Variants in TLE5 observed in about 807,000 individuals in gnomAD.
TLE5 encodes TLE family member 5, transcriptional modulator.
Under a neutral mutation model 25.8 loss-of-function variants are expected in TLE5, and 7 were observed. The ratio of observed to expected loss-of-function variants is 0.27; its 90% confidence interval spans 0.15 to 0.51. The LOEUF (loss-of-function observed/expected upper bound fraction) is 0.51. Ranked by LOEUF, TLE5 falls within the 20% of genes least tolerant of loss-of-function variation. TLE5 has a pLI of 0.97. For missense variants in TLE5, 149 were observed against 250.7 expected, an observed-to-expected ratio of 0.59 and a Z score of 2.74; for synonymous variants, 132 against 110.5, an observed-to-expected ratio of 1.20 and a Z score of -1.22.
intron 1 of TLE5, 80 bp from the exon 2 acceptor site, chr19:3,061,337 C>T: frequency 1.8e-6 from 2 of 1,125,004 alleles, no homozygotes; most frequent in South Asian, 2.5e-5. Flanking sequence ...GGAGCGGCCG[C>T]GCAGCTGCGG....
Position 3,053,536 on chromosome 19 carries a change from G to C in TLE5, c.*283C>G. On this transcript the variant is annotated 3_prime_UTR_variant, in exon 7 of 7. Coordinates refer to ENST00000327141, the MANE Select transcript of TLE5 (RefSeq NM_001130.6). ...GCGAGGTCTTGCTCCCTTGGGACCT[G>C]GTCTCCCATCTGACCCTCCAGGCCT... is the stretch of plus-strand genomic sequence containing the variant. 1.9e-6 allele frequency: 1 copy of C among 521,710 alleles called. No individual in the cohort carries two copies. The highest frequency in any genetic ancestry group is 3.4e-6 in the Non-Finnish European group (1 of 291,504). The allele number at this position is 521,710 out of a possible 1,614,324, so 32.3% of individuals were successfully genotyped here. A position where few individuals can be genotyped will look rare whatever the true frequency, so the allele number is the denominator to read the frequency against.
At chr19:3,057,586 CG>C in intron 3 of TLE5, 92 bp downstream of exon 3, 2 of 1,272,046 alleles carry the variant, frequency 1.6e-6, no homozygotes, top group South Asian at 2.4e-5. Flanking sequence ...GGGAGGTGGC[CG>C]GGGTTGAGGG....
chr19:3,054,086 T>TCGGGGGGGGCCCCCCCCCCCCCC, intron 6 of TLE5, 34 bp downstream of exon 6: 1 of 1,512,812 alleles, frequency 6.6e-7, no homozygotes, highest in Non-Finnish European at 8.9e-7. Flanking sequence ...GGCCCACCTG[T>TCGGGGGGGGCCCCCCCCCCCCCC]CCCCCGCCCA....
intron 1 of TLE5, among the ~76,000 whole-genome samples, chr19:3,061,811 G>A (rs968871636): frequency 9.9e-5 from 15 of 150,852 alleles, no homozygotes; most frequent in Non-Finnish European, 1.5e-4. Flanking sequence ...CCGGGCTAGA[G>A]GTGCCTCGCG....
In TLE5 at chr19:3,062,379, G is replaced by GGCGCGCCCCGGGCCCCGCTTCCT. The variant is rs2090279373; in HGVS notation, c.-202_-180dup. ...GCCCCCTCCCCGCGCGCCCGGCCCC[G>GGCGCGCCCCGGGCCCCGCTTCCT]GCGCGCCCCGGGCCCCGCTTCCTGC... On this transcript the variant is annotated 5_prime_UTR_variant, in exon 1 of 7. Coordinates refer to ENST00000327141, the MANE Select transcript of TLE5 (RefSeq NM_001130.6). 1.6e-6 allele frequency: 1 copy of GGCGCGCCCCGGGCCCCGCTTCCT among 607,528 alleles called. No individual in the cohort carries two copies. Among genetic ancestry groups the GGCGCGCCCCGGGCCCCGCTTCCT allele is most frequent in the African/African-American group, 2.2e-5 (1 of 44,712 alleles). The allele number at this position is 607,528 out of a possible 1,614,324, so 37.6% of individuals were successfully genotyped here. A position where few individuals can be genotyped will look rare whatever the true frequency, so the allele number is the denominator to read the frequency against.
At chr19:3,058,938 C>G (rs2090242279) in intron 2 of TLE5, among the ~76,000 whole-genome samples, 1 of 152,222 alleles carries the variant, frequency 6.6e-6, no homozygotes, top group Non-Finnish European at 1.5e-5. Context: ...GCAAACTCCA[C>G]TACCTCTCTG....
At position 3,053,433 on chromosome 19, in the gene TLE5, G is replaced by A; in HGVS notation, c.*386C>T. 1 of 256,430 alleles carries A rather than the reference G, an allele frequency of 3.9e-6. No homozygotes were observed. The highest frequency in any genetic ancestry group is 7.6e-6 in the Non-Finnish European group (1 of 132,174). The allele number at this position is 256,430 out of a possible 1,614,324, so 15.9% of individuals were successfully genotyped here. On this transcript the variant is annotated 3_prime_UTR_variant, in exon 7 of 7. Transcript: ENST00000327141. ...TAGCATTGCGTGCATGCAGTACCAGGGTGAGAGGGCTGTGGCCCAGGCAGA... is the reference window on the plus strand; with the variant it reads ...TAGCATTGCGTGCATGCAGTACCAGAGTGAGAGGGCTGTGGCCCAGGCAGA...
At chr19:3,062,630 C>G (rs1253200680), upstream of TLE5, 1 of 1,174,494 alleles carries the variant, frequency 8.5e-7, no homozygotes, top group African/African-American at 1.6e-5. Context: ...CCCCGTGGCC[C>G]GCCCGCCGCG....
At position 3,061,140 on chromosome 19, in the gene TLE5, C is replaced by T. The variant is rs751340661; in HGVS notation, c.125+20G>A. On this transcript the variant is annotated intron_variant, in intron 2 of 6. Coordinates refer to ENST00000327141, the MANE Select transcript of TLE5 (RefSeq NM_001130.6). ...GACTCACATTCTCGGGACGCAGGGA[C>T]CCCCAGTCCCCCAGCTCACCTGTGG... The T allele has an allele frequency of 3.2e-6, 5 of 1,587,010 alleles. No homozygotes were observed. In the South Asian group the frequency reaches 4.4e-5, roughly 14 times the overall value.
chr19:3,054,086 T>TCCGGGGGGGGGCC, intron 6 of TLE5, 34 bp downstream of exon 6: 1 of 1,512,810 alleles, frequency 6.6e-7, no homozygotes, highest in Non-Finnish European at 8.9e-7. Flanking sequence ...GGCCCACCTG[T>TCCGGGGGGGGGCC]CCCCCGCCCA....
chr19:3,061,261 T>G lies in TLE5; in HGVS notation c.28-4A>C, dbSNP rs756158743. On this transcript the variant is annotated splice_polypyrimidine_tract_variant and splice_region_variant and intron_variant, in intron 1 of 6. Coordinates refer to ENST00000327141, the MANE Select transcript of TLE5 (RefSeq NM_001130.6). Reference sequence around the variant, plus strand: ...GCTGGGGTAGGTGCGAGGAGCCCTGTAGGGATGGGGCGGCCCGGGTCAGGC... The same window carrying G: ...GCTGGGGTAGGTGCGAGGAGCCCTGGAGGGATGGGGCGGCCCGGGTCAGGC... 1 of 1,611,200 alleles carries G rather than the reference T, an allele frequency of 6.2e-7. No individual in the cohort carries two copies. The highest frequency in any genetic ancestry group is 8.5e-7 in the Non-Finnish European group (1 of 1,178,000).
At chr19:3,058,831 C>A (rs548458062) in intron 2 of TLE5, among the ~76,000 whole-genome samples, 1 of 152,142 alleles carries the variant, frequency 6.6e-6, no homozygotes, top group African/African-American at 2.4e-5. Context: ...AGGGGCCCTG[C>A]GGACCTGGCT....
chr19:3,056,682 T>A, intron 3 of TLE5: 1 of 527,484 alleles, frequency 1.9e-6, no homozygotes, highest in Non-Finnish European at 3.6e-6. Flanking sequence ...GGGCTCCTAA[T>A]CTTGTATCTT....
chr19:3,056,272 A>AAGG (rs756419198), intron 4 of TLE5, 40 bp downstream of exon 4: 574 of 1,205,400 alleles, frequency 4.8e-4, no homozygotes, highest in Middle Eastern at 8.9e-4. Context: ...GAGGAGGGGG[A>AAGG]AGGAGGAGGA....
intron 4 of TLE5, chr19:3,056,055 G>T: frequency 1.9e-6 from 1 of 527,032 alleles, no homozygotes; most frequent in Non-Finnish European, 3.3e-6. Context: ...GCTGGGGGCC[G>T]TAGGCTGTGG....
At chr19:3,057,614 G>T in intron 3 of TLE5, 65 bp downstream of exon 3, 1 of 1,494,868 alleles carries the variant, frequency 6.7e-7, no homozygotes, top group Non-Finnish European at 9.3e-7. Context: ...TGCCCGTGGT[G>T]GAGGGGATGT....
intron 1 of TLE5, chr19:3,061,523 A>C: frequency 3.7e-6 from 1 of 273,670 alleles, no homozygotes; most frequent in Non-Finnish European, 6.9e-6. Context: ...CCCGCCCTAG[A>C]TGGGGGGCAG....
chr19:3,057,390 G>C (rs767566111), intron 3 of TLE5: 1 of 439,226 alleles, frequency 2.3e-6, no homozygotes, highest in Non-Finnish European at 4.2e-6. Context: ...TTTCACAGCC[G>C]GTGAGCCTCC....
chr19:3,053,683 G>C lies in TLE5; in HGVS notation c.*136C>G. The C allele has an allele frequency of 9.6e-7, 1 of 1,041,086 alleles. No homozygotes were observed. The highest frequency in any genetic ancestry group is 2.6e-5 in the East Asian group (1 of 38,014). 64.5% of individuals were successfully genotyped at this position (1,041,086 alleles called of 1,614,324 possible). A position where few individuals can be genotyped will look rare whatever the true frequency, so the allele number is the denominator to read the frequency against. ...GCCTGCAAGCTGGGCTGGGGCCCCCGCCGGCGGCCACCATAAATACTATGG... is the reference window on the plus strand; with the variant it reads ...GCCTGCAAGCTGGGCTGGGGCCCCCCCCGGCGGCCACCATAAATACTATGG... On this transcript the variant is annotated 3_prime_UTR_variant, in exon 7 of 7. Coordinates refer to ENST00000327141, the MANE Select transcript of TLE5 (RefSeq NM_001130.6).
Sources: gnomAD v4.1 joint callset for allele counts (sites outside exome capture counted in the v4.1 genomes callset) on GRCh38, gnomAD v4.1.1 for gene constraint, MANE v1.5 for transcripts, NCBI Gene and HGNC (gene_info 2026-07-23, HGNC 2026-07-21) for gene names.